CSRNP1: variants seen among roughly 807,000 people sequenced by gnomAD.
CSRNP1 encodes the protein cysteine/serine-rich nuclear protein 1.
A neutral mutation model predicts 25.0 loss-of-function variants in CSRNP1; 8 were observed. The ratio of observed to expected loss-of-function variants is 0.32; its 90% CI spans 0.19 to 0.58. The LOEUF is 0.58. CSRNP1 is among the 20% of genes least tolerant of loss of function. CSRNP1 has a pLI of 0.88. For synonymous variants in CSRNP1, 305 were observed against 303.1 expected (o/e 1.01, Z -0.06); for missense variants, 691 against 773.1 (o/e 0.89, Z 1.26).
chr3:39,143,079 A>G lies in CSRNP1; in HGVS notation c.1746T>C (p.Ser582=), dbSNP rs1433450492. Residue 582 remains serine (S), a synonymous_variant, in exon 5 of 5, where the codon TCT becomes TCC. Coordinates refer to ENST00000273153, the MANE Select transcript of CSRNP1 (RefSeq NM_033027.4). The part of the protein sequence containing the change: ...DSQFEDTVPA[S]LMEPVPV ...CTCACACCGGCACAGGCTCCATTAG[A>G]GATGCTGGGACAGTGTCCTCAAACT... 1 of 1,594,840 alleles carries G rather than the reference A, an allele frequency of 6.3e-7. No homozygotes were observed. Among genetic ancestry groups the G allele is most frequent in the Non-Finnish European group, 8.6e-7 (1 of 1,167,196 alleles).
rs956252678 is a variant in CSRNP1, at chr3:39,142,186, C to T, written c.*869G>A. 14 of 152,306 alleles carry T rather than the reference C, an allele frequency of 9.2e-5. No individual in the cohort carries two copies. The highest frequency in any genetic ancestry group is 3.4e-4 in the African/African-American group (14 of 41,462). The allele number at this position is 152,306 out of a possible 1,614,324, so 9.4% of individuals were successfully genotyped here. The stretch of plus-strand genomic sequence containing the variant: ...ATAGTCTGGGGCATGGTTCGCGCCC[C>T]GAGGTAGGCCCTTTGCCCTCTCTGG... On this transcript the variant is annotated 3_prime_UTR_variant, in exon 5 of 5. Transcript: ENST00000273153.
rs1016123717 is a variant in CSRNP1, at chr3:39,143,188, C to G, written c.1637G>C (p.Gly546Ala). ...HFPLPGLSPP[G>A]DASSCFLESL... ...CTCCAGGAAGCAACTGCTGGCATCCCCAGGTGGAGACAGGCCAGGCAGGGG... is the reference window on the plus strand; with the variant it reads ...CTCCAGGAAGCAACTGCTGGCATCCGCAGGTGGAGACAGGCCAGGCAGGGG... The change falls in exon 5 of 5, where the codon GGG (glycine) becomes GCG (alanine). Residue 546 changes from glycine to alanine, a missense_variant. By Grantham distance (60) the Gly-to-Ala change is moderately conservative. Coordinates refer to ENST00000273153, the MANE Select transcript of CSRNP1 (RefSeq NM_033027.4). 6.2e-7 allele frequency: 1 copy of G among 1,614,214 alleles called. No individual in the cohort carries two copies. Among genetic ancestry groups the G allele is most frequent in the Non-Finnish European group, 8.5e-7 (1 of 1,180,036 alleles).
At chr3:39,144,928 G>A (rs1418329670) in intron 3 of CSRNP1, 69 bp downstream of exon 3, 4 of 1,437,872 alleles carry the variant, frequency 2.8e-6, no homozygotes, top group East Asian at 2.3e-5. Context: ...CCCCTGGTAC[G>A]CCCACCCCTC....
rs770655786 is a variant in CSRNP1, at chr3:39,143,927, G to A, written c.898C>T (p.Leu300=). ...CTCTCAGCCTCCTGTTCCAACTGCAGGCGGGTGAGTGTGTGGATGAAATGG... is the reference window on the plus strand; with the variant it reads ...CTCTCAGCCTCCTGTTCCAACTGCAAGCGGGTGAGTGTGTGGATGAAATGG... ...QTHFIHTLTR[L]QLEQEAESFR... Residue 300 remains leucine, a synonymous_variant, in exon 5 of 5, where the codon CTG becomes TTG. Coordinates refer to ENST00000273153, the MANE Select transcript of CSRNP1 (RefSeq NM_033027.4). 6.2e-7 allele frequency: 1 copy of A among 1,614,234 alleles called. No individual in the cohort carries two copies. The highest frequency in any genetic ancestry group is 1.1e-5 in the South Asian group (1 of 91,092).
rs183784150 is a variant in CSRNP1 at position 39,149,481 on chromosome 3, A to G, written c.-40-2759T>C. 185 of 152,372 alleles carry G rather than the reference A, an allele frequency of 1.2e-3. 3 individuals are homozygous for G. Among genetic ancestry groups the G allele is most frequent in the Admixed American group, 0.012 (185 of 15,308 alleles). The allele number at this position is 152,372 out of a possible 1,614,324, so 9.4% of individuals were successfully genotyped here. A position where few individuals can be genotyped will look rare whatever the true frequency, so the allele number is the denominator to read the frequency against. Reference sequence around the variant, plus strand: ...TTTATTTAGGTTACTATCAATTTAAAAAGTTCACTAACCTTAACATGTCTC... The same window carrying G: ...TTTATTTAGGTTACTATCAATTTAAGAAGTTCACTAACCTTAACATGTCTC... On this transcript the variant is annotated intron_variant, in intron 1 of 4. Transcript: ENST00000273153.
chr3:39,147,223 G>GTGTGTGTGTGTGTGTGTA (rs2039526205), intron 1 of CSRNP1, among the ~76,000 whole-genome samples: 1 of 150,310 alleles, frequency 6.7e-6, no homozygotes, highest in Non-Finnish European at 1.5e-5. Context: ...GTGTGTGTGT[G>GTGTGTGTGTGTGTGTGTA]TGTGTGTGTG....
In CSRNP1 at chr3:39,147,683, A is replaced by G. The variant is rs537555132; in HGVS notation, c.-40-961T>C. The stretch of plus-strand genomic sequence containing the variant: ...GAGAGTCTCAGCCCTCAGCAGAAGC[A>G]TAACCAGAGACTCCCACAGCTGGCT... On this transcript the variant is annotated intron_variant, in intron 1 of 4. Transcript: ENST00000273153. 1.8e-3 allele frequency among the ~76,000 whole-genome samples: 268 copies of G among 152,236 alleles called. 1 individual carries two copies. Among genetic ancestry groups the G allele is most frequent in the Non-Finnish European group, 3.1e-3 (214 of 68,020 alleles).
rs772447030 is a variant in CSRNP1 at position 39,143,060 on chromosome 3, C to T, written c.1765G>A (p.Val589Met). The change falls in exon 5 of 5, where the codon GTG becomes ATG. Residue 589 changes from valine (V) to methionine (M), a missense_variant. Transcript: ENST00000273153. ...VPASLMEPVP[V>M] Reference sequence around the variant, plus strand: ...GGGAAAAGACATCCTGGTCCTCACACCGGCACAGGCTCCATTAGAGATGCT... The same window carrying T: ...GGGAAAAGACATCCTGGTCCTCACATCGGCACAGGCTCCATTAGAGATGCT... 2.5e-6 allele frequency: 4 copies of T among 1,569,248 alleles called. No individual in the cohort carries two copies. Among genetic ancestry groups the T allele is most frequent in the South Asian group, 2.3e-5 (2 of 85,288 alleles).
Position 39,144,988 on chromosome 3 carries a change from T to A in CSRNP1, c.465+9A>T. The A allele has an allele frequency of 6.3e-7, 1 of 1,597,440 alleles. No individual in the cohort carries two copies. Among genetic ancestry groups the A allele is most frequent in the Admixed American group, 1.7e-5 (1 of 59,038 alleles). On this transcript the variant is annotated intron_variant, in intron 3 of 4. Transcript: ENST00000273153. ...TCAGGAGGTGCGCCACGGAGAGGAC[T>A]CTCTCTACCTTCCACTGCAGCATCT...
Position 39,146,606 on chromosome 3 carries a change from G to T in CSRNP1, c.77C>A (p.Ser26Tyr), listed in dbSNP as rs1261115358. 13 of 1,569,998 alleles carry T rather than the reference G, an allele frequency of 8.3e-6. No individual in the cohort carries two copies. Among genetic ancestry groups the T allele is most frequent in the Non-Finnish European group, 1.1e-5 (13 of 1,157,078 alleles). The stretch of plus-strand genomic sequence containing the variant: ...GGAGCAGGAGCGAGACTGGCACCCA[G>T]AGGAAGAGGAGGAGGAGGAGACCGA... Reference protein sequence around the residue: ...NSSVSSSSSSSGCQSRSCSPS... With the variant: ...NSSVSSSSSSYGCQSRSCSPS... The change falls in exon 2 of 5, where the codon TCT becomes TAT. Residue 26 changes from serine to tyrosine, a missense_variant. Coordinates refer to ENST00000273153, the MANE Select transcript of CSRNP1 (RefSeq NM_033027.4).
In CSRNP1 at chr3:39,146,509, G is replaced by A. The variant is rs372780416; in HGVS notation, c.174C>T (p.Asp58=). The A allele has an allele frequency of 7.2e-5, 111 of 1,549,760 alleles. No homozygotes were observed. The highest frequency in any genetic ancestry group is 6.8e-4 in the Middle Eastern group (4 of 5,874). Residue 58 remains aspartate, a synonymous_variant, in exon 2 of 5, where the codon GAC becomes GAT. Coordinates refer to ENST00000273153, the MANE Select transcript of CSRNP1 (RefSeq NM_033027.4). Reference sequence around the variant, plus strand: ...AACTTCTGGGGCCGCAGAAGTCACGGTCAGGCAGGGGCATCTGATCCCAGG... The same window carrying A: ...AACTTCTGGGGCCGCAGAAGTCACGATCAGGCAGGGGCATCTGATCCCAGG... ...EGPWDQMPLP[D]RDFCGPRSFT...
chr3:39,153,874 A>T (rs1180602753), upstream of CSRNP1: 1 of 152,112 alleles, frequency 6.6e-6, no homozygotes, highest in African/African-American at 2.4e-5. Flanking sequence ...GGACGACTCA[A>T]GCCGGCAGAG....
intron 1 of CSRNP1, among the ~76,000 whole-genome samples, chr3:39,147,024 A>G (rs2039522248): frequency 7.4e-6 from 1 of 135,702 alleles, no homozygotes; most frequent in South Asian, 2.5e-4. Flanking sequence ...CTCCTACAAC[A>G]CACACTTACA....
intron 2 of CSRNP1, among the ~76,000 whole-genome samples, chr3:39,145,621 T>C (rs2039498362): frequency 6.6e-6 from 1 of 152,252 alleles, no homozygotes; most frequent in Non-Finnish European, 1.5e-5. Flanking sequence ...AGGCTTTCCC[T>C]TTACAAGTTA....
Position 39,143,101 on chromosome 3 carries a change from A to T in CSRNP1, c.1724T>A (p.Phe575Tyr). 6.2e-7 allele frequency: 1 copy of T among 1,609,186 alleles called. No homozygotes were observed. The highest frequency in any genetic ancestry group is 8.5e-7 in the Non-Finnish European group (1 of 1,176,294). Residue 575 changes from phenylalanine (F) to tyrosine (Y), a missense_variant, in exon 5 of 5, where the codon TTT becomes TAT. Physicochemically the swap from Phe to Tyr is conservative, Grantham distance 22 (BLOSUM62 3). Transcript: ENST00000273153. ...TAGAGATGCTGGGACAGTGTCCTCA[A>T]ACTGGCTGTCAATAAAGGGATCTAG... is the stretch of plus-strand genomic sequence containing the variant. ...EALDPFIDSQ[F>Y]EDTVPASLME...
chr3:39,145,954 G>A (rs1318356502), intron 2 of CSRNP1, among the ~76,000 whole-genome samples: 3 of 152,090 alleles, frequency 2.0e-5, no homozygotes, highest in Non-Finnish European at 2.9e-5. Flanking sequence ...GCTTCCTGGG[G>A]AACAATAATG....
intron 3 of CSRNP1, 78 bp from the exon 4 acceptor site, chr3:39,144,529 T>TC: frequency 1.5e-6 from 2 of 1,363,440 alleles, no homozygotes; most frequent in African/African-American, 1.5e-5. Flanking sequence ...AGACAAACCC[T>TC]CCCCAAGTGC....
intron 1 of CSRNP1, chr3:39,150,535 T>G (rs568722330): frequency 6.6e-6 from 1 of 152,324 alleles, no homozygotes; most frequent in South Asian, 2.1e-4. Flanking sequence ...GAGAGTCACA[T>G]GTCTATCCCC....
rs911163420 is a variant in CSRNP1 at position 39,153,485 on chromosome 3, G to A, written c.-88C>T. The A allele has an allele frequency of 6.4e-6, 2 of 314,736 alleles. No homozygotes were observed. The highest frequency in any genetic ancestry group is 2.3e-5 in the African/African-American group (1 of 43,978). 19.5% of individuals were successfully genotyped at this position (314,736 alleles called of 1,614,324 possible). A position where few individuals can be genotyped will look rare whatever the true frequency, so the allele number is the denominator to read the frequency against. On this transcript the variant is annotated 5_prime_UTR_variant, in exon 1 of 5. Coordinates refer to ENST00000273153, the MANE Select transcript of CSRNP1 (RefSeq NM_033027.4). ...GGACAACGACGCGACCCGCGTCCCGGCCGGGGACGCCCCCTGCGCCGCGAC... is the reference window on the plus strand; with the variant it reads ...GGACAACGACGCGACCCGCGTCCCGACCGGGGACGCCCCCTGCGCCGCGAC...
Sources: gnomAD v4.1 joint callset for allele counts (sites outside exome capture counted in the v4.1 genomes callset) on GRCh38, gnomAD v4.1.1 for gene constraint, MANE v1.5 for transcripts, NCBI Gene and HGNC (gene_info 2026-07-23, HGNC 2026-07-21) for gene names.